Variants in GMDS observed in about 807,000 individuals in gnomAD.
GMDS encodes GDP-mannose 4,6-dehydratase.
Under a neutral mutation model 49.9 loss-of-function variants are expected in GMDS, and 20 were observed. That is an observed-to-expected ratio of 0.40 (90% CI 0.28 to 0.58). The LOEUF (loss-of-function observed/expected upper bound fraction) is 0.58, where lower values mean the gene tolerates loss of function less well. Among genes scored for constraint, GMDS ranks in the 20% least tolerant of loss-of-function variants. The probability of loss-of-function intolerance (pLI) is 0.42; values close to 1 mark genes in which losing one functional copy is unlikely to be tolerated. For synonymous variants in GMDS, 177 were observed against 178.6 expected, an observed-to-expected ratio of 0.99 and a Z score of 0.07; for missense variants, 362 against 481.4, an observed-to-expected ratio of 0.75 and a Z score of 2.32.
chr6:1,935,120 G>A (rs10484692), intron 6 of GMDS, among the ~76,000 whole-genome samples: 3,909 of 152,270 alleles, frequency 0.026, 164 homozygotes, highest in East Asian at 0.18. Flanking sequence ...TAAGATTCTC[G>A]TTAGAAAGAG....
intron 4 of GMDS, among the ~76,000 whole-genome samples, chr6:1,997,501 C>CT (rs1405309916): frequency 8.4e-6 from 1 of 119,160 alleles, no homozygotes; most frequent in East Asian, 2.2e-4. Flanking sequence ...GAGTGAGACT[C>CT]TGTCTCAAAA....
At chr6:1,639,103 AGGAGGTGGGT>A (rs1428701183) in intron 9 of GMDS, among the ~76,000 whole-genome samples, 1 of 152,156 alleles carries the variant, frequency 6.6e-6, no homozygotes, top group Admixed American at 6.5e-5. Flanking sequence ...CTAGCAGATA[AGGAGGTGGGT>A]GCCTGTGGAT....
At chr6:1,899,719 C>T (rs1200934760) in intron 7 of GMDS, among the ~76,000 whole-genome samples, 2 of 152,210 alleles carry the variant, frequency 1.3e-5, no homozygotes, top group Admixed American at 6.5e-5. Flanking sequence ...CTTTATGAAA[C>T]GCTGCATCAT....
chr6:2,088,321 G>C (rs370263968), intron 4 of GMDS, among the ~76,000 whole-genome samples: 88 of 152,236 alleles, frequency 5.8e-4, no homozygotes, highest in African/African-American at 2.1e-3. Flanking sequence ...AAAAAGAAAG[G>C]CTAGCTAGAC....
chr6:1,961,024 G>T, intron 4 of GMDS, 58 bp from the exon 5 acceptor site: 1 of 1,003,172 alleles, frequency 1.0e-6, no homozygotes, highest in Non-Finnish European at 1.4e-6. Flanking sequence ...CAAAGGTGCT[G>T]TCAGCAGGAA....
chr6:1,799,751 A>G (rs1769873909), intron 7 of GMDS, among the ~76,000 whole-genome samples: 1 of 152,186 alleles, frequency 6.6e-6, no homozygotes, highest in Non-Finnish European at 1.5e-5. Flanking sequence ...GTATGTTGCC[A>G]CTAACACACA....
intron 1 of GMDS, among the ~76,000 whole-genome samples, chr6:2,228,821 T>C (rs979896516): frequency 3.9e-5 from 6 of 152,156 alleles, no homozygotes; most frequent in African/African-American, 1.4e-4. Flanking sequence ...TACCCCCCGT[T>C]GACAGCTTCA....
chr6:1,695,878 A>T (rs1171190532), intron 9 of GMDS, among the ~76,000 whole-genome samples: 2 of 151,106 alleles, frequency 1.3e-5, no homozygotes, highest in Non-Finnish European at 2.9e-5. Flanking sequence ...CGTGGCCAGA[A>T]GGCAATCACA....
chr6:2,116,232 C>T (rs1774841100), intron 3 of GMDS, among the ~76,000 whole-genome samples: 1 of 152,118 alleles, frequency 6.6e-6, no homozygotes, highest in African/African-American at 2.4e-5. Context: ...CTTGTAATAA[C>T]ATGTATACCA....
At chr6:1,760,206 T>C (rs1317988405) in intron 7 of GMDS, among the ~76,000 whole-genome samples, 1 of 152,194 alleles carries the variant, frequency 6.6e-6, no homozygotes, top group Non-Finnish European at 1.5e-5. Context: ...TGAGGCTCCT[T>C]ACAAAAAATC....
Position 2,002,234 on chromosome 6 carries a change from C to T in GMDS, c.346-41268G>A, listed in dbSNP as rs117724247. 6.5e-4 allele frequency among the ~76,000 whole-genome samples: 99 copies of T among 152,224 alleles called. No homozygotes were observed. The East Asian group carries it at 0.016, about 24-fold the overall frequency. On this transcript the variant is annotated intron_variant, in intron 4 of 10. Coordinates refer to ENST00000380815, the MANE Select transcript of GMDS (RefSeq NM_001500.4). ...TTAACAAACATTGTTGCGTGCCTAC[C>T]GCATGTCAGACGGTAGTGGCGAAAG...
At chr6:2,149,044 C>A (rs1325072833) in intron 1 of GMDS, among the ~76,000 whole-genome samples, 1 of 152,122 alleles carries the variant, frequency 6.6e-6, no homozygotes, top group Non-Finnish European at 1.5e-5. Context: ...AATATAACTG[C>A]TTCACCAATG....
At chr6:1,695,723 C>G (rs1333193180) in intron 9 of GMDS, among the ~76,000 whole-genome samples, 1 of 152,110 alleles carries the variant, frequency 6.6e-6, no homozygotes, top group African/African-American at 2.4e-5. Context: ...GGACCCTGCC[C>G]TGTCACTCTG....
Position 1,894,436 on chromosome 6 carries a change from A to G in GMDS, c.771+35667T>C, listed in dbSNP as rs537788322. On this transcript the variant is annotated intron_variant, in intron 7 of 10. Coordinates refer to ENST00000380815, the MANE Select transcript of GMDS (RefSeq NM_001500.4). ...TGGAAAATTATTCCTTCCTTAAGTA[A>G]CCACCTAATTTTAATATTAAAACAT... Among the ~76,000 whole-genome samples the G allele has an allele frequency of 2.0e-5, 3 of 152,312 alleles. No individual in the cohort carries two copies. In the South Asian group the frequency reaches 6.2e-4, roughly 32 times the overall value.
At chr6:2,060,399 C>T (rs985462005) in intron 4 of GMDS, among the ~76,000 whole-genome samples, 1 of 152,116 alleles carries the variant, frequency 6.6e-6, no homozygotes, top group Non-Finnish European at 1.5e-5. Context: ...AACAGCAAAA[C>T]AAAATGAAGC....
intron 7 of GMDS, among the ~76,000 whole-genome samples, chr6:1,795,940 G>A (rs957828636): frequency 1.3e-5 from 2 of 152,206 alleles, no homozygotes; most frequent in Admixed American, 1.3e-4. Flanking sequence ...GGCCAGAGAT[G>A]GGGGGAAGGC....
intron 6 of GMDS, among the ~76,000 whole-genome samples, chr6:1,933,219 C>CT (rs1225897871): frequency 6.6e-6 from 1 of 152,084 alleles, no homozygotes; most frequent in Non-Finnish European, 1.5e-5. Context: ...TACATTGTTC[C>CT]TTTTTTATGG....
intron 9 of GMDS, among the ~76,000 whole-genome samples, chr6:1,704,389 G>T (rs548024930): frequency 6.6e-6 from 1 of 152,168 alleles, no homozygotes; most frequent in South Asian, 2.1e-4. Context: ...GCTCCATGGG[G>T]GTGGGCAACA....
At chr6:1,716,631 T>C (rs1010399205) in intron 9 of GMDS, among the ~76,000 whole-genome samples, 7 of 150,996 alleles carry the variant, frequency 4.6e-5, no homozygotes, top group African/African-American at 1.5e-4. Context: ...TGTGGTGATA[T>C]TGGCTCTACC....
Sources: allele counts gnomAD v4.1 joint callset (sites outside exome capture counted in the v4.1 genomes callset), GRCh38; gene constraint gnomAD v4.1.1; transcripts MANE v1.5; gene names NCBI Gene and HGNC (gene_info 2026-07-23, HGNC 2026-07-21).